The following EOGT variants were observed in gnomAD, a reference collection of about 807,000 sequenced individuals.
The protein encoded by EOGT is EGF domain-specific O-linked N-acetylglucosamine transferase.
In EOGT, 55 loss-of-function variants were observed where a neutral mutation model predicts 70.5. The ratio of observed to expected loss-of-function variants is 0.78; its 90% CI spans 0.63 to 0.98. The LOEUF is 0.98. Ranked by LOEUF, EOGT falls within the 50% of genes least tolerant of loss-of-function variation. EOGT has a pLI of 0.00. For synonymous variants in EOGT, 246 were observed against 217.1 expected (o/e 1.13, Z -1.17); for missense variants, 703 against 641.9 (o/e 1.10, Z -1.03).
chr3:68,990,480 G>A (rs2090960841), intron 10 of EOGT, among the ~76,000 whole-genome samples: 1 of 151,574 alleles, frequency 6.6e-6, no homozygotes, highest in African/African-American at 2.4e-5. Flanking sequence ...AGCCTCCCGA[G>A]TAGCTGGGAT....
intron 17 of EOGT, 43 bp from the exon 18 acceptor site, chr3:68,977,807 GCATGGTTTTCTCTA>G (rs762829326): frequency 1.3e-6 from 2 of 1,570,984 alleles, no homozygotes; most frequent in Non-Finnish European, 1.7e-6. Flanking sequence ...CTCAATGAGG[GCATGGTTTTCTCTA>G]CAGCAGGAAA....
intron 6 of EOGT, among the ~76,000 whole-genome samples, chr3:69,006,952 C>T (rs149903801): frequency 0.018 from 2,760 of 152,272 alleles, 41 homozygotes; most frequent in Non-Finnish European, 0.03. Flanking sequence ...TCTGCTATAA[C>T]GCTTATAAGC....
chr3:69,004,821 T>C (rs1227047967), intron 7 of EOGT, among the ~76,000 whole-genome samples: 2 of 152,130 alleles, frequency 1.3e-5, no homozygotes, highest in African/African-American at 4.8e-5. Flanking sequence ...CCCAGCACTT[T>C]GGGAGGCTGA....
intron 9 of EOGT, 29 bp from the exon 10 acceptor site, chr3:68,998,143 T>A: frequency 8.2e-7 from 1 of 1,215,460 alleles, no homozygotes; most frequent in Non-Finnish European, 1.2e-6. Context: ...ACTACATTAA[T>A]TAACACCAAA....
At chr3:68,978,996 C>CT (rs1333515218) in intron 16 of EOGT, among the ~76,000 whole-genome samples, 1 of 152,120 alleles carries the variant, frequency 6.6e-6, no homozygotes, top group Non-Finnish European at 1.5e-5. Flanking sequence ...TTCATGACAA[C>CT]TTTTTTCCTA....
chr3:69,001,566 T>A, intron 9 of EOGT, 42 bp downstream of exon 9: 1 of 1,289,438 alleles, frequency 7.8e-7, no homozygotes. Flanking sequence ...GAATAATATC[T>A]CATTAACAAA....
Position 68,975,786 on chromosome 3 carries a change from C to A in EOGT, c.*1832G>T, listed in dbSNP as rs1446633771. 1 of 152,086 alleles carries A rather than the reference C, an allele frequency of 6.6e-6. No homozygotes were observed. Among genetic ancestry groups the A allele is most frequent in the African/African-American group, 2.4e-5 (1 of 41,412 alleles). The allele number at this position is 152,086 out of a possible 1,614,324, so 9.4% of individuals were successfully genotyped here. On this transcript the variant is annotated 3_prime_UTR_variant, in exon 18 of 18. Transcript: ENST00000383701. ...CTTTACAGGTATTTTAATAAATATT[C>A]CTCAATTCTAGAAGACTGTTCCAAT...
rs1349277240 is a variant in EOGT at position 68,975,965 on chromosome 3, T to C, written c.*1653A>G. ...TTTGTTACTCCATTATTTTAAAAAA[T>C]AGAAGTAACTAGTCTCTAAATCAGA... On this transcript the variant is annotated 3_prime_UTR_variant, in exon 18 of 18. Coordinates refer to ENST00000383701, the MANE Select transcript of EOGT (RefSeq NM_001278689.2). 6.6e-6 allele frequency: 1 copy of C among 152,228 alleles called. No individual in the cohort carries two copies. The highest frequency in any genetic ancestry group is 1.5e-5 in the Non-Finnish European group (1 of 68,036). 9.4% of individuals were successfully genotyped at this position (152,228 alleles called of 1,614,324 possible). A position where few individuals can be genotyped will look rare whatever the true frequency, so the allele number is the denominator to read the frequency against.
intron 17 of EOGT, among the ~76,000 whole-genome samples, 173 bp from the exon 18 acceptor site, chr3:68,977,937 T>C (rs186884712): frequency 6.3e-4 from 96 of 152,350 alleles, no homozygotes; most frequent in Non-Finnish European, 8.7e-4. Context: ...CTGCTGACTC[T>C]AAGGTCTCAG....
chr3:68,999,731 C>T (rs1392805790), intron 9 of EOGT, among the ~76,000 whole-genome samples: 1 of 152,156 alleles, frequency 6.6e-6, no homozygotes. Flanking sequence ...AGCCATAGAG[C>T]ACACATGAGC....
At chr3:68,984,432 CT>C (rs1305550363) in intron 14 of EOGT, among the ~76,000 whole-genome samples, 1 of 152,160 alleles carries the variant, frequency 6.6e-6, no homozygotes, top group Non-Finnish European at 1.5e-5. Context: ...CAAGCATGCC[CT>C]TTTTCATGAC....
intron 1 of EOGT, among the ~76,000 whole-genome samples, chr3:69,013,370 G>A (rs1355957995): frequency 6.6e-6 from 1 of 151,888 alleles, no homozygotes; most frequent in Non-Finnish European, 1.5e-5. Context: ...GGCGCCCGGG[G>A]CCGGGGAGGG....
chr3:68,982,253 C>T lies in EOGT; in HGVS notation c.1214+558G>A, dbSNP rs536459708. Among the ~76,000 whole-genome samples, 20 of 152,240 alleles carry T rather than the reference C, an allele frequency of 1.3e-4. No individual in the cohort carries two copies. In the South Asian group the frequency reaches 4.1e-3, roughly 32 times the overall value. On this transcript the variant is annotated intron_variant, in intron 15 of 17. Transcript: ENST00000383701. ...TGAAATTTTAGGCCGGGTGTGGTGG[C>T]TCATGCCTTTAATTGCAGCACTTTG... is the stretch of plus-strand genomic sequence containing the variant.
chr3:68,992,971 C>T (rs921002222), intron 10 of EOGT, among the ~76,000 whole-genome samples: 1 of 152,216 alleles, frequency 6.6e-6, no homozygotes, highest in South Asian at 2.1e-4. Flanking sequence ...GGCACCAAGT[C>T]CCTAGGCTGC....
chr3:68,994,754 G>T (rs2091097131), intron 10 of EOGT, among the ~76,000 whole-genome samples: 2 of 152,294 alleles, frequency 1.3e-5, no homozygotes, highest in Non-Finnish European at 2.9e-5. Flanking sequence ...TCGCGACACT[G>T]CACTTGAGCC....
intron 10 of EOGT, among the ~76,000 whole-genome samples, chr3:68,989,908 C>G (rs1365093018): frequency 6.6e-6 from 1 of 151,804 alleles, no homozygotes. Context: ...GCCATATACT[C>G]CAGCCTGGGC....
At chr3:68,985,893 G>C (rs190253783) in intron 14 of EOGT, among the ~76,000 whole-genome samples, 157 of 152,194 alleles carry the variant, frequency 1.0e-3, no homozygotes, top group Non-Finnish European at 2.0e-3. Context: ...CTAACACCAG[G>C]GTGTCAGCAG....
rs2090455367 is a variant in EOGT, at chr3:68,975,686, C to T, written c.*1932G>A. 1 of 152,202 alleles carries T rather than the reference C, an allele frequency of 6.6e-6. No homozygotes were observed. The highest frequency in any genetic ancestry group is 6.6e-5 in the Admixed American group (1 of 15,262). 9.4% of individuals were successfully genotyped at this position (152,202 alleles called of 1,614,324 possible). A position where few individuals can be genotyped will look rare whatever the true frequency, so the allele number is the denominator to read the frequency against. On this transcript the variant is annotated 3_prime_UTR_variant, in exon 18 of 18. Coordinates refer to ENST00000383701, the MANE Select transcript of EOGT (RefSeq NM_001278689.2). ...TTACAATACCTGCCACTTAAAAATC[C>T]ATAACATGTTGTAATTCTTCTTATG...
In EOGT at chr3:68,978,391, A is replaced by T. The variant is rs898727781; in HGVS notation, c.1379T>A (p.Leu460Gln). The T allele has an allele frequency of 8.1e-6, 13 of 1,612,784 alleles. No homozygotes were observed. Among genetic ancestry groups the T allele is most frequent in the Non-Finnish European group, 1.0e-5 (12 of 1,179,550 alleles). The change falls in exon 17 of 18, where the codon CTG becomes CAG. Residue 460 changes from leucine to glutamine, a missense_variant. Coordinates refer to ENST00000383701, the MANE Select transcript of EOGT (RefSeq NM_001278689.2). ...CCAAGTGATGTAGTGAACGCCTCTC[A>T]GCCTGGCCAAGTCTAAGTAACAGCG... The part of the protein sequence containing the change: ...DERCYLDLAR[L>Q]RGVHYITWRR...
Sources: gnomAD v4.1 joint callset for allele counts (sites outside exome capture counted in the v4.1 genomes callset) on GRCh38, gnomAD v4.1.1 for gene constraint, MANE v1.5 for transcripts, NCBI Gene and HGNC (gene_info 2026-07-23, HGNC 2026-07-21) for gene names.